The following TSNAX variants were observed in gnomAD, a reference collection of about 807,000 sequenced individuals.
The protein encoded by TSNAX is translin-associated protein X.
Under a neutral mutation model 33.0 loss-of-function variants are expected in TSNAX, and 12 were observed. The ratio of observed to expected loss-of-function variants is 0.36; its 90% CI spans 0.23 to 0.59. The LOEUF (loss-of-function observed/expected upper bound fraction) is 0.59. Ranked by LOEUF, TSNAX falls within the 20% of genes least tolerant of loss-of-function variation. TSNAX has a pLI of 0.74. For synonymous variants in TSNAX, 110 were observed against 117.2 expected (o/e 0.94, Z 0.40); for missense variants, 267 against 341.3 (o/e 0.78, Z 1.72).
chr1:231,540,713 AAGAG>A, intron 3 of TSNAX, among the ~76,000 whole-genome samples: 1 of 152,296 alleles, frequency 6.6e-6, no homozygotes, highest in East Asian at 1.9e-4. Context: ...ATCAGTTATT[AAGAG>A]AGAAAGAGGG....
intron 3 of TSNAX, among the ~76,000 whole-genome samples, chr1:231,538,978 G>A (rs1313919887): frequency 2.7e-5 from 4 of 150,100 alleles, no homozygotes; most frequent in African/African-American, 9.8e-5. Context: ...TCAGTAACAT[G>A]AAACTTTTAA....
chr1:231,554,064 C>T (rs1206563249), intron 4 of TSNAX, among the ~76,000 whole-genome samples: 2 of 152,144 alleles, frequency 1.3e-5, no homozygotes, highest in Non-Finnish European at 2.9e-5. Context: ...TCAAGGACAA[C>T]TTATATAATG....
chr1:231,544,234 A>G (rs1392767952), intron 4 of TSNAX, among the ~76,000 whole-genome samples: 1 of 152,220 alleles, frequency 6.6e-6, no homozygotes, highest in Non-Finnish European at 1.5e-5. Context: ...AAATGTCTGT[A>G]TTAAACAGAA....
intron 4 of TSNAX, among the ~76,000 whole-genome samples, chr1:231,545,310 G>A (rs561803311): frequency 6.6e-6 from 1 of 152,172 alleles, no homozygotes; most frequent in Non-Finnish European, 1.5e-5. Flanking sequence ...AACTAAAGGA[G>A]TTCTGTGCTT....
intron 2 of TSNAX, among the ~76,000 whole-genome samples, chr1:231,533,432 C>A (rs927411926): frequency 6.6e-6 from 1 of 152,144 alleles, no homozygotes; most frequent in African/African-American, 2.4e-5. Flanking sequence ...CACTAGCTTC[C>A]AGACAAAATT....
chr1:231,564,038 G>A (rs1045291096), intron 5 of TSNAX, among the ~76,000 whole-genome samples: 3 of 152,082 alleles, frequency 2.0e-5, no homozygotes, highest in Admixed American at 6.5e-5. Context: ...GCAGTCTAAG[G>A]GAATTGAGGA....
chr1:231,537,618 A>C (rs1333951514), intron 3 of TSNAX, among the ~76,000 whole-genome samples: 1 of 151,602 alleles, frequency 6.6e-6, no homozygotes, highest in Non-Finnish European at 1.5e-5. Context: ...GTGCATGCCT[A>C]TCATCCCGGC....
chr1:231,548,166 T>C (rs1217883314), intron 4 of TSNAX, among the ~76,000 whole-genome samples: 9 of 152,206 alleles, frequency 5.9e-5, no homozygotes, highest in Non-Finnish European at 1.2e-4. Flanking sequence ...TATAAAATAT[T>C]GTCTAACAAA....
At chr1:231,552,476 C>T (rs1475096338) in intron 4 of TSNAX, among the ~76,000 whole-genome samples, 1 of 152,098 alleles carries the variant, frequency 6.6e-6, no homozygotes, top group African/African-American at 2.4e-5. Context: ...GCCTGTGAAT[C>T]CAATATAAAT....
chr1:231,537,464 G>T, intron 3 of TSNAX, 137 bp downstream of exon 3: 1 of 554,246 alleles, frequency 1.8e-6, no homozygotes, highest in Non-Finnish European at 3.1e-6. Context: ...GTCTCAGCTG[G>T]GTGTGGTGGC....
chr1:231,535,485 A>C (rs1000975997), intron 2 of TSNAX: 3 of 152,206 alleles, frequency 2.0e-5, no homozygotes, highest in African/African-American at 7.2e-5. Context: ...TTGTTCTTTA[A>C]AAAAACTTAA....
At position 231,546,561 on chromosome 1, in the gene TSNAX, G is replaced by T. The variant is rs539987267; in HGVS notation, c.367+3950G>T. Among the ~76,000 whole-genome samples the T allele has an allele frequency of 2.6e-5, 4 of 152,310 alleles. No homozygotes were observed. In the South Asian group the frequency reaches 8.3e-4, roughly 32 times the overall value. On this transcript the variant is annotated intron_variant, in intron 4 of 5. Coordinates refer to ENST00000366639, the MANE Select transcript of TSNAX (RefSeq NM_005999.3). ...GAGTAACAGTAGGAAGAGTGTAGTG[G>T]ATGGAATAATATAGCTAAAAATTGA... is the stretch of plus-strand genomic sequence containing the variant.
chr1:231,563,911 A>G (rs1212491814), intron 5 of TSNAX, among the ~76,000 whole-genome samples: 1 of 151,892 alleles, frequency 6.6e-6, no homozygotes, highest in African/African-American at 2.4e-5. Flanking sequence ...AGTTGTGATT[A>G]CCATTTTTTT....
intron 3 of TSNAX, among the ~76,000 whole-genome samples, chr1:231,538,800 T>C (rs929626465): frequency 6.6e-5 from 10 of 152,030 alleles, no homozygotes; most frequent in Non-Finnish European, 1.3e-4. Flanking sequence ...GAGATGGTGG[T>C]ATGCAAGTGT....
chr1:231,545,087 T>C (rs1360557417), intron 4 of TSNAX, among the ~76,000 whole-genome samples: 1 of 148,424 alleles, frequency 6.7e-6, no homozygotes, highest in Non-Finnish European at 1.5e-5. Context: ...TTCTTAAAGT[T>C]AAGGAATAAA....
intron 2 of TSNAX, 72 bp from the exon 3 acceptor site, chr1:231,537,141 A>T (rs1890214): frequency 8.2e-7 from 1 of 1,212,246 alleles, no homozygotes; most frequent in South Asian, 1.4e-5. Context: ...TATGTGACGT[A>T]CATCTTAAAA....
chr1:231,559,108 C>G (rs1440202362), intron 4 of TSNAX, among the ~76,000 whole-genome samples: 1 of 152,082 alleles, frequency 6.6e-6, no homozygotes, highest in Non-Finnish European at 1.5e-5. Flanking sequence ...TAGCAGGACT[C>G]TGTCATAAAA....
At chr1:231,563,732 A>G (rs1661260811) in intron 5 of TSNAX, 1 of 150,402 alleles carries the variant, frequency 6.6e-6, no homozygotes. Context: ...TGACCAGGTC[A>G]CTGAAATTGG....
intron 3 of TSNAX, among the ~76,000 whole-genome samples, chr1:231,538,764 C>G (rs1216083816): frequency 6.6e-6 from 1 of 152,034 alleles, no homozygotes; most frequent in Non-Finnish European, 1.5e-5. Flanking sequence ...AACCCCATCT[C>G]TACAAAAAAT....
Sources: allele counts gnomAD v4.1 joint callset (sites outside exome capture counted in the v4.1 genomes callset), GRCh38; gene constraint gnomAD v4.1.1; transcripts MANE v1.5; gene names NCBI Gene and HGNC (gene_info 2026-07-23, HGNC 2026-07-21).